Variants in LRBA observed in about 807,000 individuals in gnomAD.
The protein encoded by LRBA is LPS responsive beige-like anchor protein, also known as lipopolysaccharide-responsive and beige-like anchor protein.
A neutral mutation model predicts 330.0 loss-of-function variants in LRBA; 176 were observed. That is an observed-to-expected ratio of 0.53 (90% CI 0.47 to 0.60). The LOEUF is 0.60. LRBA is among the 20% of genes least tolerant of loss of function. The pLI is 0.00. For missense variants in LRBA, 3,259 were observed against 3,444.8 expected (o/e 0.95, Z 1.35); for synonymous variants, 1,230 against 1,193.0 (o/e 1.03, Z -0.64).
At chr4:150,672,554 T>C (rs1034660520) in intron 37 of LRBA, among the ~76,000 whole-genome samples, 1 of 151,998 alleles carries the variant, frequency 6.6e-6, no homozygotes, top group Non-Finnish European at 1.5e-5. Flanking sequence ...TCTAAAGTTA[T>C]TATAATTTAT....
intron 47 of LRBA, among the ~76,000 whole-genome samples, chr4:150,385,890 G>A (rs1420751651): frequency 6.6e-6 from 1 of 152,148 alleles, no homozygotes; most frequent in Admixed American, 6.6e-5. Context: ...GCAGTAAGTA[G>A]CAGCTGGATA....
intron 47 of LRBA, among the ~76,000 whole-genome samples, chr4:150,378,251 G>T (rs1350193217): frequency 3.9e-5 from 6 of 152,040 alleles, no homozygotes; most frequent in African/African-American, 1.4e-4. Context: ...CCCTCCTCAA[G>T]GTAGGAAATG....
intron 55 of LRBA, among the ~76,000 whole-genome samples, chr4:150,279,213 C>A (rs527814656): frequency 1.6e-4 from 24 of 152,258 alleles, no homozygotes; most frequent in African/African-American, 5.5e-4. Flanking sequence ...GAATGCAGAA[C>A]CCTCAAAGCT....
intron 37 of LRBA, among the ~76,000 whole-genome samples, chr4:150,632,706 C>A (rs73861668): frequency 2.8e-4 from 43 of 152,298 alleles, no homozygotes; most frequent in African/African-American, 9.6e-4. Context: ...CCCCACCAAC[C>A]ATGTTTCACC....
chr4:150,272,650 G>A lies in LRBA; in HGVS notation c.8468+5203C>T, dbSNP rs931595086. Reference sequence around the variant, plus strand: ...CTGATGGAGCTGAAAAACACAGCACGAGAACTTCATGAAGCATACACAAGT... The same window carrying A: ...CTGATGGAGCTGAAAAACACAGCACAAGAACTTCATGAAGCATACACAAGT... On this transcript the variant is annotated intron_variant, in intron 56 of 56. Coordinates refer to ENST00000651943, the MANE Select transcript of LRBA (RefSeq NM_001364905.1). 2.6e-5 allele frequency among the ~76,000 whole-genome samples: 4 copies of A among 151,686 alleles called. No homozygotes were observed. The South Asian group carries it at 8.4e-4, about 32-fold the overall frequency.
chr4:150,296,346 C>T (rs987280825), intron 53 of LRBA, among the ~76,000 whole-genome samples: 2 of 152,148 alleles, frequency 1.3e-5, no homozygotes, highest in African/African-American at 4.8e-5. Flanking sequence ...GCTCAACAGT[C>T]ATGCAGCCTT....
chr4:150,625,405 T>A (rs1776751887), intron 37 of LRBA, among the ~76,000 whole-genome samples: 1 of 152,166 alleles, frequency 6.6e-6, no homozygotes, highest in Admixed American at 6.5e-5. Context: ...AGAATTATAT[T>A]TTATCTCAAA....
At chr4:150,459,739 T>A (rs1243919534) in intron 44 of LRBA, among the ~76,000 whole-genome samples, 2 of 151,938 alleles carry the variant, frequency 1.3e-5, no homozygotes, top group Admixed American at 1.3e-4. Flanking sequence ...GTAATTTATA[T>A]CATAATCTCT....
In LRBA at chr4:150,697,325, G is replaced by GAAAGAAAAAAAAAAAAAAAAAAAAAAA. The variant is rs373474421; in HGVS notation, c.5755-13609_5755-13608insTTTTTTTTTTTTTTTTTTTTTTTCTTT. ...GGTGACAGAGTGAGACTTTGTCTCA[G>GAAAGAAAAAAAAAAAAAAAAAAAAAAA]AAAAAAAAAAAAAAAAAAAAAAAAA... On this transcript the variant is annotated intron_variant, in intron 36 of 56. Coordinates refer to ENST00000651943, the MANE Select transcript of LRBA (RefSeq NM_001364905.1). Among the ~76,000 whole-genome samples the GAAAGAAAAAAAAAAAAAAAAAAAAAAA allele has an allele frequency of 1.4e-4, 4 of 28,034 alleles. 1 individual carries two copies. The highest frequency in any genetic ancestry group is 5.3e-4 in the African/African-American group (4 of 7,584). 18.4% of individuals were successfully genotyped at this position (28,034 alleles called of 152,430 possible).
chr4:150,419,702 A>G (rs1383701430), intron 46 of LRBA, among the ~76,000 whole-genome samples: 1 of 134,740 alleles, frequency 7.4e-6, no homozygotes, highest in Non-Finnish European at 1.5e-5. Flanking sequence ...CAGTGGCGCG[A>G]TCTTGGCTCA....
At chr4:150,738,765 G>A (rs1731555054) in intron 35 of LRBA, among the ~76,000 whole-genome samples, 1 of 151,716 alleles carries the variant, frequency 6.6e-6, no homozygotes, top group African/African-American at 2.4e-5. Context: ...TACAATCTCT[G>A]GGTAACCACT....
At chr4:150,983,897 A>G (rs1009796291) in intron 2 of LRBA, among the ~76,000 whole-genome samples, 7 of 152,166 alleles carry the variant, frequency 4.6e-5, no homozygotes, top group African/African-American at 1.4e-4. Flanking sequence ...TACCAGAAAT[A>G]CTTCTGGGAT....
chr4:150,661,524 A>C (rs1233377959), intron 37 of LRBA, among the ~76,000 whole-genome samples: 2 of 152,014 alleles, frequency 1.3e-5, no homozygotes, highest in African/African-American at 2.4e-5. Context: ...AATAAAAAAA[A>C]CTTTTATGTC....
At chr4:150,722,126 T>C (rs1729016619) in intron 36 of LRBA, among the ~76,000 whole-genome samples, 1 of 152,092 alleles carries the variant, frequency 6.6e-6, no homozygotes, top group Admixed American at 6.6e-5. Context: ...CAGAACAGAA[T>C]GCTGATGTCA....
At chr4:150,316,851 A>G (rs1393630797) in intron 50 of LRBA, among the ~76,000 whole-genome samples, 1 of 152,108 alleles carries the variant, frequency 6.6e-6, no homozygotes, top group Non-Finnish European at 1.5e-5. Flanking sequence ...AGTCGTGGAC[A>G]AGGGGCGTTG....
intron 52 of LRBA, among the ~76,000 whole-genome samples, chr4:150,304,025 A>C (rs1008086072): frequency 1.3e-5 from 2 of 152,232 alleles, no homozygotes; most frequent in Non-Finnish European, 2.9e-5. Flanking sequence ...CAGAGTCTAC[A>C]GATGAATGCC....
At chr4:150,570,198 C>T (rs150269113) in intron 40 of LRBA, among the ~76,000 whole-genome samples, 15 of 152,184 alleles carry the variant, frequency 9.9e-5, no homozygotes, top group African/African-American at 3.4e-4. Context: ...ATATAAAATA[C>T]TGAATGAAAT....
At chr4:150,546,831 C>A (rs1307767956) in intron 40 of LRBA, among the ~76,000 whole-genome samples, 1 of 152,174 alleles carries the variant, frequency 6.6e-6, no homozygotes, top group African/African-American at 2.4e-5. Context: ...CTGGTCAGCT[C>A]TCTACATTGG....
chr4:150,892,446 GCT>G (rs1729568129), intron 17 of LRBA, among the ~76,000 whole-genome samples: 1 of 152,168 alleles, frequency 6.6e-6, no homozygotes, highest in African/African-American at 2.4e-5. Context: ...GCTCACTCAT[GCT>G]CTCTTTCTCT....
Sources: allele counts gnomAD v4.1 joint callset (sites outside exome capture counted in the v4.1 genomes callset), GRCh38; gene constraint gnomAD v4.1.1; transcripts MANE v1.5; gene names NCBI Gene and HGNC (gene_info 2026-07-23, HGNC 2026-07-21).